The following XYLB variants were observed in gnomAD, a reference collection of about 807,000 sequenced individuals.
XYLB encodes xylulose kinase.
In XYLB, 62 loss-of-function variants were observed where a neutral mutation model predicts 78.7. The ratio of observed to expected loss-of-function variants is 0.79; its 90% CI spans 0.64 to 0.97. XYLB has a LOEUF of 0.97. Among genes scored for constraint, XYLB ranks in the 50% least tolerant of loss-of-function variants. The probability of loss-of-function intolerance (pLI) is 0.00; values close to 1 mark genes in which losing one functional copy is unlikely to be tolerated. For missense variants in XYLB, 687 were observed against 676.8 expected (o/e 1.02, Z -0.17); for synonymous variants, 245 against 247.4 (o/e 0.99, Z 0.09).
chr3:38,376,519 G>A (rs1246199349), intron 13 of XYLB, among the ~76,000 whole-genome samples: 3 of 152,182 alleles, frequency 2.0e-5, no homozygotes, highest in Non-Finnish European at 4.4e-5. Flanking sequence ...CATCAGAGAG[G>A]GCAGCCTCTA....
At chr3:38,351,171 CAAAAAAAAAAAAAAAAA>C (rs58457623) in intron 2 of XYLB, among the ~76,000 whole-genome samples, 1 of 23,072 alleles carries the variant, frequency 4.3e-5, no homozygotes, top group Non-Finnish European at 9.8e-5. Flanking sequence ...GAGCCTGTCT[CAAAAAAAAAAAAAAAAA>C]AAAAAAAAAA....
chr3:38,441,067 A>T, the XYLB span, among the ~76,000 whole-genome samples: 1 of 150,998 alleles, frequency 6.6e-6, no homozygotes, highest in Non-Finnish European at 1.5e-5. Context: ...TTATGCTGCT[A>T]TTCTCCCCTA....
intron 2 of XYLB, chr3:38,355,837 G>T: frequency 1.4e-6 from 1 of 702,506 alleles, no homozygotes; most frequent in Non-Finnish European, 2.6e-6. Flanking sequence ...CCCCACTCAT[G>T]TTCCTAACCA....
At chr3:38,408,512 GA>G (rs1240805683) in intron 18 of XYLB, among the ~76,000 whole-genome samples, 2 of 151,338 alleles carry the variant, frequency 1.3e-5, no homozygotes, top group Non-Finnish European at 3.0e-5. Context: ...AAAGCTAGCA[GA>G]AGGCAAGAAA....
At chr3:38,415,723 A>C (rs1430133169), downstream of XYLB, among the ~76,000 whole-genome samples, 4 of 152,156 alleles carry the variant, frequency 2.6e-5, no homozygotes, top group South Asian at 2.1e-4. Flanking sequence ...CAGAGATTGC[A>C]GTGAGCCGAG....
At chr3:38,390,948 A>G (rs961154200) in intron 15 of XYLB, among the ~76,000 whole-genome samples, 2 of 152,232 alleles carry the variant, frequency 1.3e-5, no homozygotes, top group Non-Finnish European at 2.9e-5. Flanking sequence ...AGCCAGGCAC[A>G]GTCACTTACA....
chr3:38,406,168 G>A (rs942767740), intron 18 of XYLB, among the ~76,000 whole-genome samples: 2 of 152,164 alleles, frequency 1.3e-5, no homozygotes, highest in African/African-American at 2.4e-5. Context: ...CCACACGGCC[G>A]GGTACTCCTC....
At chr3:38,428,594 G>A in the XYLB span, among the ~76,000 whole-genome samples, 1 of 152,104 alleles carries the variant, frequency 6.6e-6, no homozygotes, top group South Asian at 2.1e-4. Context: ...AATATTCACT[G>A]TTCTGAACAC....
chr3:38,368,451 G>A lies in XYLB; in HGVS notation c.646+194G>A, dbSNP rs138692565. 7.4e-3 allele frequency among the ~76,000 whole-genome samples: 1,126 copies of A among 152,272 alleles called. 13 individuals are homozygous for A. The highest frequency in any genetic ancestry group is 0.026 in the African/African-American group (1,068 of 41,554). On this transcript the variant is annotated intron_variant, in intron 8 of 18. Transcript: ENST00000207870. ...CAACACTTAGCAGCTGAAGACCACCGTGTTTATTTTCTCACCTAGTGTCTG... is the reference window on the plus strand; with the variant it reads ...CAACACTTAGCAGCTGAAGACCACCATGTTTATTTTCTCACCTAGTGTCTG...
At chr3:38,437,744 GA>G in the XYLB span, among the ~76,000 whole-genome samples, 1 of 151,862 alleles carries the variant, frequency 6.6e-6, no homozygotes, top group Non-Finnish European at 1.5e-5. Flanking sequence ...AGGAGTCCAA[GA>G]CCAGCCTGGG....
chr3:38,435,424 G>A, the XYLB span, among the ~76,000 whole-genome samples: 1 of 151,994 alleles, frequency 6.6e-6, no homozygotes, highest in Non-Finnish European at 1.5e-5. Flanking sequence ...ACCCAACATT[G>A]GAGCACCCAT....
At chr3:38,381,651 G>A (rs1434992736) in intron 15 of XYLB, among the ~76,000 whole-genome samples, 4 of 152,192 alleles carry the variant, frequency 2.6e-5, no homozygotes, top group Non-Finnish European at 5.9e-5. Flanking sequence ...CCCCCTGGGC[G>A]TAGCCTGTCT....
intron 14 of XYLB, 100 bp downstream of exon 14, chr3:38,377,091 A>C: frequency 9.5e-7 from 1 of 1,049,784 alleles, no homozygotes; most frequent in South Asian, 1.4e-5. Flanking sequence ...GACTTCATTC[A>C]TTCACTCATC....
chr3:38,407,682 G>A (rs1575540096), intron 18 of XYLB, among the ~76,000 whole-genome samples: 1 of 152,254 alleles, frequency 6.6e-6, no homozygotes, highest in Admixed American at 6.5e-5. Flanking sequence ...TAAAAGGATG[G>A]AGGAAGATCT....
chr3:38,391,998 C>G (rs1166532355), intron 15 of XYLB, among the ~76,000 whole-genome samples: 1 of 152,200 alleles, frequency 6.6e-6, no homozygotes, highest in African/African-American at 2.4e-5. Flanking sequence ...TCAGTCCCCC[C>G]ATGCACCCTC....
In XYLB at chr3:38,414,104, G is replaced by C. The variant is rs1708708523; in HGVS notation, c.*1091G>C. 6.6e-6 allele frequency: 1 copy of C among 152,264 alleles called. No homozygotes were observed. The highest frequency in any genetic ancestry group is 2.4e-5 in the African/African-American group (1 of 41,538). The allele number at this position is 152,264 out of a possible 1,614,324, so 9.4% of individuals were successfully genotyped here. A position where few individuals can be genotyped will look rare whatever the true frequency, so the allele number is the denominator to read the frequency against. Reference sequence around the variant, plus strand: ...GATCTGACTCCTGCAGACTCTTCCAGATTTTTCTGCCCAAGGCCTTTACTG... The same window carrying C: ...GATCTGACTCCTGCAGACTCTTCCACATTTTTCTGCCCAAGGCCTTTACTG... On this transcript the variant is annotated 3_prime_UTR_variant, in exon 19 of 19. Transcript: ENST00000207870.
At position 38,420,008 on chromosome 3, in the gene XYLB, C is replaced by T. The variant is rs150978273; in HGVS notation, c.1619C>T (p.Thr540Met). Among the ~76,000 whole-genome samples the T allele has an allele frequency of 8.6e-5, 13 of 152,002 alleles. No individual in the cohort carries two copies. The East Asian group carries it at 9.7e-4, about 11-fold the overall frequency. Residue 540 changes from threonine to methionine, a missense_variant, in exon 18 of 18, where the codon ACG becomes ATG. By Grantham distance (81) the Thr-to-Met change is moderately conservative. Transcript: ENST00000650590. ...CTAATTTTTGTATTTTTAGTAGAGA[C>T]GGGATTTCACCATGTTGGCCAGGAT...
At chr3:38,441,005 T>C in the XYLB span, among the ~76,000 whole-genome samples, 1 of 152,040 alleles carries the variant, frequency 6.6e-6, no homozygotes, top group Non-Finnish European at 1.5e-5. Context: ...CTCTTTCCTC[T>C]TTCTTTCTCT....
intron 2 of XYLB, chr3:38,356,023 G>C: frequency 2.1e-6 from 1 of 470,508 alleles, no homozygotes; most frequent in East Asian, 3.4e-5. Context: ...TTACAGAGGC[G>C]GGCACATCAC....
Sources: gnomAD v4.1 joint callset for allele counts (sites outside exome capture counted in the v4.1 genomes callset) on GRCh38, gnomAD v4.1.1 for gene constraint, MANE v1.5 for transcripts, NCBI Gene and HGNC (gene_info 2026-07-23, HGNC 2026-07-21) for gene names.